Variants in FAM131B observed in about 807,000 individuals in gnomAD.
FAM131B encodes the protein protein FAM131B.
In FAM131B, 19 loss-of-function variants were observed where a neutral mutation model predicts 42.0. The ratio of observed to expected loss-of-function variants is 0.45; its 90% CI spans 0.32 to 0.66. The LOEUF (loss-of-function observed/expected upper bound fraction) is 0.66, where lower values mean the gene tolerates loss of function less well. Among genes scored for constraint, FAM131B ranks in the 30% least tolerant of loss-of-function variants. The probability of loss-of-function intolerance (pLI) is 0.05; values close to 1 mark genes in which losing one functional copy is unlikely to be tolerated. For synonymous variants in FAM131B, 183 were observed against 177.6 expected, an observed-to-expected ratio of 1.03 and a Z score of -0.24; for missense variants, 370 against 468.4, an observed-to-expected ratio of 0.79 and a Z score of 1.94.
chr7:143,359,171 G>T lies in FAM131B; in HGVS notation c.269-147C>A. Reference sequence around the variant, plus strand: ...GGACTCCATAGATGGGGTAGTGGAGGGAATGGCCTGGAGGATGGGAGGCTT... The same window carrying T: ...GGACTCCATAGATGGGGTAGTGGAGTGAATGGCCTGGAGGATGGGAGGCTT... On this transcript the variant is annotated intron_variant, in intron 4 of 6. Coordinates refer to ENST00000443739, the MANE Select transcript of FAM131B (RefSeq NM_001031690.3). The surrounding 1 kb of genome is among the most constrained non-coding windows in gnomAD (Gnocchi z 5.4). The T allele has an allele frequency of 9.8e-7, 1 of 1,022,212 alleles. No homozygotes were observed. The highest frequency in any genetic ancestry group is 1.5e-6 in the Non-Finnish European group (1 of 685,100). The allele number at this position is 1,022,212 out of a possible 1,614,324, so 63.3% of individuals were successfully genotyped here.
chr7:143,380,669 GT>G, the FAM131B span: 3 of 985,278 alleles, frequency 3.0e-6, no homozygotes, highest in Non-Finnish European at 1.2e-6. This position sits in a 1 kb window ranked among gnomAD's most constrained non-coding sequence, Gnocchi z 5.0. Context: ...GCTGCCCAGC[GT>G]TGGAAGTTCG....
At chr7:143,368,938 T>A in the FAM131B span, among the ~76,000 whole-genome samples, 9 of 152,228 alleles carry the variant, frequency 5.9e-5, no homozygotes, top group African/African-American at 2.2e-4. Context: ...TGGGTAGATG[T>A]AGCTCCAGTT....
chr7:143,368,678 C>T, the FAM131B span, among the ~76,000 whole-genome samples: 1 of 152,226 alleles, frequency 6.6e-6, no homozygotes, highest in Non-Finnish European at 1.5e-5. Flanking sequence ...CTATTACTAC[C>T]TGTCAGACTT....
At chr7:143,375,547 T>A in the FAM131B span, among the ~76,000 whole-genome samples, 1 of 152,168 alleles carries the variant, frequency 6.6e-6, no homozygotes, top group East Asian at 1.9e-4. Flanking sequence ...TAAGGAAGCT[T>A]GAGCAAGCTC....
the FAM131B span, among the ~76,000 whole-genome samples, chr7:143,374,884 C>G: frequency 6.6e-6 from 1 of 152,182 alleles, no homozygotes; most frequent in Non-Finnish European, 1.5e-5. Context: ...TCACATCTCC[C>G]ATGTACAGGC....
chr7:143,362,939 C>T (rs1253200073), upstream of FAM131B, among the ~76,000 whole-genome samples: 1 of 151,736 alleles, frequency 6.6e-6, no homozygotes, highest in Non-Finnish European at 1.5e-5. This position sits in a 1 kb window ranked among gnomAD's most constrained non-coding sequence, Gnocchi z 7.7. Flanking sequence ...CCGCCCCCCT[C>T]CTCCCGCCCG....
the FAM131B span, chr7:143,382,153 G>A: frequency 9.5e-7 from 1 of 1,054,230 alleles, no homozygotes; most frequent in Non-Finnish European, 1.4e-6. Context: ...ACCCCTGAGA[G>A]AGTTCTTGGG....
At chr7:143,373,277 G>A in the FAM131B span, among the ~76,000 whole-genome samples, 54 of 152,100 alleles carry the variant, frequency 3.6e-4, no homozygotes, top group Admixed American at 5.9e-4. Context: ...CAGCTACTCA[G>A]GAGGCTGAGG....
Position 143,357,265 on chromosome 7 carries a change from T to C in FAM131B, c.610+15A>G. Reference sequence around the variant, plus strand: ...CTCATAGGCTCCAGAGTTTGGATTCTGGAACATCTCTCACCCTGACTGTCC... The same window carrying C: ...CTCATAGGCTCCAGAGTTTGGATTCCGGAACATCTCTCACCCTGACTGTCC... On this transcript the variant is annotated intron_variant, in intron 6 of 6. Coordinates refer to ENST00000443739, the MANE Select transcript of FAM131B (RefSeq NM_001031690.3). 6.2e-7 allele frequency: 1 copy of C among 1,613,312 alleles called. No homozygotes were observed. The highest frequency in any genetic ancestry group is 8.5e-7 in the Non-Finnish European group (1 of 1,179,658).
chr7:143,359,479 C>T lies in FAM131B; in HGVS notation c.175-60G>A, dbSNP rs762572874. On this transcript the variant is annotated intron_variant, in intron 3 of 6. Coordinates refer to ENST00000443739, the MANE Select transcript of FAM131B (RefSeq NM_001031690.3). This position sits in a 1 kb window ranked among gnomAD's most constrained non-coding sequence, Gnocchi z 5.4. ...TAAGAAGGTACGGGCGTGCTTTATACATGGAGGAGGTTCATGGTTTCCAGG... is the reference window on the plus strand; with the variant it reads ...TAAGAAGGTACGGGCGTGCTTTATATATGGAGGAGGTTCATGGTTTCCAGG... 4 of 1,319,926 alleles carry T rather than the reference C, an allele frequency of 3.0e-6. No individual in the cohort carries two copies. Among genetic ancestry groups the T allele is most frequent in the Non-Finnish European group, 4.3e-6 (4 of 920,878 alleles). 81.8% of individuals were successfully genotyped at this position (1,319,926 alleles called of 1,614,324 possible).
the FAM131B span, chr7:143,380,741 G>T: frequency 5.1e-6 from 5 of 985,440 alleles, no homozygotes; most frequent in South Asian, 4.7e-5. The surrounding 1 kb of genome is among the most constrained non-coding windows in gnomAD (Gnocchi z 5.0). Flanking sequence ...GAGTCAGCTG[G>T]GGGGTGCTGG....
chr7:143,378,616 C>T, the FAM131B span, among the ~76,000 whole-genome samples: 1 of 146,040 alleles, frequency 6.8e-6, no homozygotes, highest in East Asian at 2.0e-4. Flanking sequence ...CTCTGTTGCC[C>T]AGGCTGGAGT....
chr7:143,369,532 G>A, the FAM131B span, among the ~76,000 whole-genome samples: 5 of 152,110 alleles, frequency 3.3e-5, no homozygotes, highest in South Asian at 2.1e-4. Flanking sequence ...AAAATTACCC[G>A]GACATGGTGG....
the FAM131B span, among the ~76,000 whole-genome samples, chr7:143,371,807 G>T: frequency 1.3e-5 from 2 of 152,088 alleles, no homozygotes; most frequent in Admixed American, 6.6e-5. Flanking sequence ...TCCCAGCAGA[G>T]AAACTAGCAA....
rs553832762 is a variant in FAM131B, at chr7:143,358,375, C to G, written c.466+452G>C. Among the ~76,000 whole-genome samples, 1 of 152,322 alleles carries G rather than the reference C, an allele frequency of 6.6e-6. No homozygotes were observed. Among genetic ancestry groups the G allele is most frequent in the Admixed American group, 6.5e-5 (1 of 15,310 alleles). On this transcript the variant is annotated intron_variant, in intron 5 of 6. Transcript: ENST00000443739. The surrounding 1 kb of genome is among the most constrained non-coding windows in gnomAD (Gnocchi z 4.7). ...CCTGGAACTAAACCTCTTCTGTAGG[C>G]CTCCCGTCTCTCACACAGTTCCCTT...
chr7:143,356,851 T>C lies in FAM131B; in HGVS notation c.782A>G (p.His261Arg). The change falls in exon 7 of 7, where the codon CAT (histidine) becomes CGT (arginine). Residue 261 changes from histidine (H) to arginine (R), a missense_variant. Physicochemically the swap from His to Arg is conservative, Grantham distance 29. Coordinates refer to ENST00000443739, the MANE Select transcript of FAM131B (RefSeq NM_001031690.3). This position sits in a 1 kb window ranked among gnomAD's most constrained non-coding sequence, Gnocchi z 4.4. The stretch of plus-strand genomic sequence containing the variant: ...AGCTGGTTGGGAAGGTCCCATTTCA[T>C]GCAAGCTGGGTTGTGAGTCATCAAA... ...PAFDDSQPSLHEMGPSQPASG... is the reference protein window; with the variant it reads ...PAFDDSQPSLREMGPSQPASG... 6.2e-7 allele frequency: 1 copy of C among 1,614,088 alleles called. No homozygotes were observed. The highest frequency in any genetic ancestry group is 8.5e-7 in the Non-Finnish European group (1 of 1,180,008).
the FAM131B span, chr7:143,382,134 C>G: frequency 3.3e-6 from 3 of 913,790 alleles, no homozygotes; most frequent in African/African-American, 3.4e-5. Context: ...CTTCCCCACA[C>G]GCTCTGGGAC....
At chr7:143,380,844 C>G in the FAM131B span, 24 of 930,248 alleles carry the variant, frequency 2.6e-5, no homozygotes, top group Non-Finnish European at 3.0e-5. This position sits in a 1 kb window ranked among gnomAD's most constrained non-coding sequence, Gnocchi z 5.0. Flanking sequence ...TCGGGGTGGC[C>G]GGGTAGCGGG....
chr7:143,364,742 AG>A (rs1804140972), upstream of FAM131B, among the ~76,000 whole-genome samples: 1 of 152,212 alleles, frequency 6.6e-6, no homozygotes, highest in Non-Finnish European at 1.5e-5. Context: ...TTCTTATACA[AG>A]GATTCTGCTA....
Sources: allele counts gnomAD v4.1 joint callset (sites outside exome capture counted in the v4.1 genomes callset), GRCh38; gene constraint gnomAD v4.1.1; non-coding constraint Gnocchi (gnomAD v3.1); transcripts MANE v1.5; gene names NCBI Gene and HGNC (gene_info 2026-07-23, HGNC 2026-07-21).